HEATR4: variants seen among roughly 807,000 people sequenced by gnomAD.
The protein encoded by HEATR4 is HEAT repeat containing 4, also known as HEAT repeat-containing protein 4.
Under a neutral mutation model 108.8 loss-of-function variants are expected in HEATR4, and 95 were observed. That is an observed-to-expected ratio of 0.87 (90% CI 0.74 to 1.04). The LOEUF (loss-of-function observed/expected upper bound fraction) is 1.04, where lower values mean the gene tolerates loss of function less well. HEATR4 is among the 50% of genes least tolerant of loss of function. The pLI, the probability that HEATR4 is intolerant of heterozygous loss-of-function variation, is 0.00. For synonymous variants in HEATR4, 443 were observed against 459.4 expected, an observed-to-expected ratio of 0.96 and a Z score of 0.46; for missense variants, 1,152 against 1,253.8, an observed-to-expected ratio of 0.92 and a Z score of 1.23.
chr14:73,584,027 T>C, the HEATR4 span, among the ~76,000 whole-genome samples: 2 of 150,988 alleles, frequency 1.3e-5, no homozygotes, highest in Non-Finnish European at 3.0e-5. Context: ...AAAATGGCTA[T>C]GTATGACCTT....
At chr14:73,505,885 C>T (rs1416538248) in intron 10 of HEATR4, among the ~76,000 whole-genome samples, 1 of 134,852 alleles carries the variant, frequency 7.4e-6, no homozygotes, top group Non-Finnish European at 1.6e-5. Flanking sequence ...TTACTATAAA[C>T]GTTTCTTTTT....
intron 11 of HEATR4, among the ~76,000 whole-genome samples, chr14:73,502,290 C>G (rs991191035): frequency 2.6e-5 from 4 of 151,894 alleles, no homozygotes; most frequent in African/African-American, 9.7e-5. Flanking sequence ...ATGGTATATG[C>G]CATTTGTTCT....
chr14:73,571,042 G>A, the HEATR4 span: 1 of 150,064 alleles, frequency 6.7e-6, no homozygotes, highest in Non-Finnish European at 1.5e-5. Flanking sequence ...CAGCTAGGAG[G>A]TGCCAGGTGG....
At chr14:73,617,336 TG>T in the HEATR4 span, 1 of 1,160,172 alleles carries the variant, frequency 8.6e-7, no homozygotes, top group Non-Finnish European at 1.3e-6. Context: ...GGGTGGAAGC[TG>T]GGCATGGTGA....
At chr14:73,559,424 G>C (rs1259425563), upstream of HEATR4, among the ~76,000 whole-genome samples, 4 of 151,816 alleles carry the variant, frequency 2.6e-5, no homozygotes, top group African/African-American at 9.7e-5. Flanking sequence ...CTAGCCTCTT[G>C]GTCATTCTTT....
chr14:73,495,427 C>T (rs1228112478), intron 15 of HEATR4, 40 bp from the exon 16 acceptor site: 1 of 1,540,300 alleles, frequency 6.5e-7, no homozygotes, highest in Non-Finnish European at 8.9e-7. Flanking sequence ...CAAAACAAAA[C>T]ACCTGTACTA....
Position 73,508,301 on chromosome 14 carries a change from C to T in HEATR4, c.1721-7G>A, listed in dbSNP as rs1014725174. On this transcript the variant is annotated splice_region_variant and splice_polypyrimidine_tract_variant and intron_variant, in intron 8 of 17. Transcript: ENST00000553558. ...CAGCTATCCACACTGTTACCTGCCA[C>T]AGTTGGGTGAAAAAGAGTTCAGAAT... The T allele has an allele frequency of 1.9e-6, 3 of 1,612,880 alleles. No homozygotes were observed. The highest frequency in any genetic ancestry group is 2.7e-5 in the African/African-American group (2 of 74,892).
At chr14:73,479,030 C>T (rs187993794) in intron 17 of HEATR4, among the ~76,000 whole-genome samples, 188 bp from the exon 18 acceptor site, 22 of 152,194 alleles carry the variant, frequency 1.4e-4, no homozygotes, top group African/African-American at 5.3e-4. Flanking sequence ...TCTCCGACTC[C>T]CGGGTTCAAG....
the HEATR4 span, chr14:73,619,504 T>C: frequency 6.2e-7 from 1 of 1,614,230 alleles, no homozygotes; most frequent in Non-Finnish European, 8.5e-7. Flanking sequence ...TCTTGTTCCA[T>C]TGGAAAAGGC....
At chr14:73,612,132 C>A in the HEATR4 span, among the ~76,000 whole-genome samples, 52 of 152,002 alleles carry the variant, frequency 3.4e-4, 1 homozygote, top group East Asian at 8.5e-3. Context: ...ACCTCTGCCT[C>A]CTGGGTTCAA....
the HEATR4 span, among the ~76,000 whole-genome samples, chr14:73,565,601 T>C: frequency 6.6e-6 from 1 of 151,770 alleles, no homozygotes; most frequent in Non-Finnish European, 1.5e-5. Context: ...GTGTTCGGAG[T>C]TTCTTCCTTC....
At chr14:73,589,611 G>C in the HEATR4 span, among the ~76,000 whole-genome samples, 1 of 152,146 alleles carries the variant, frequency 6.6e-6, no homozygotes, top group Non-Finnish European at 1.5e-5. Flanking sequence ...GTGCCCCTGT[G>C]CCTAGCCTAC....
At chr14:73,551,588 A>C (rs1889323733) in intron 1 of HEATR4, among the ~76,000 whole-genome samples, 1 of 113,042 alleles carries the variant, frequency 8.8e-6, no homozygotes. Flanking sequence ...TGGATGGGTC[A>C]CCTGAGGTCA....
the HEATR4 span, among the ~76,000 whole-genome samples, chr14:73,594,243 C>G: frequency 6.6e-6 from 1 of 152,148 alleles, no homozygotes; most frequent in Admixed American, 6.6e-5. Flanking sequence ...CTTGTCCACC[C>G]CTTTCAGAAG....
chr14:73,614,818 C>T, the HEATR4 span, among the ~76,000 whole-genome samples: 1 of 151,670 alleles, frequency 6.6e-6, no homozygotes, highest in African/African-American at 2.4e-5. Context: ...AACAAGGAGC[C>T]GGGCGCAGTG....
In HEATR4 at chr14:73,500,615, C is replaced by T; in HGVS notation, c.2221G>A (p.Asp741Asn). The change falls in exon 12 of 18, where the codon GAC (aspartate) becomes AAC (asparagine). Residue 741 changes from aspartate (D) to asparagine (N), a missense_variant. Physicochemically the swap from Asp to Asn is conservative, Grantham distance 23. Transcript: ENST00000553558. ...GCTGCCCGCCGAACTGCTGTGAAGT[C>T]ATCAGAGAAGCAGTGCAGGAAGCTT... ...LPSFLHCFSD[D>N]FTAVRRAACL... The T allele has an allele frequency of 5.6e-6, 9 of 1,614,156 alleles. No homozygotes were observed. Among genetic ancestry groups the T allele is most frequent in the Non-Finnish European group, 6.8e-6 (8 of 1,180,034 alleles).
chr14:73,571,217 A>G, the HEATR4 span: 3 of 152,688 alleles, frequency 2.0e-5, no homozygotes, highest in African/African-American at 7.2e-5. Flanking sequence ...GTCCCTATGC[A>G]TGGCAGGACC....
the HEATR4 span, among the ~76,000 whole-genome samples, chr14:73,576,267 A>T: frequency 1.3e-5 from 2 of 152,042 alleles, no homozygotes; most frequent in African/African-American, 4.8e-5. Context: ...TAAGAATGGA[A>T]GTTAACATCT....
chr14:73,612,720 C>G, the HEATR4 span: 10 of 1,377,342 alleles, frequency 7.3e-6, no homozygotes, highest in African/African-American at 1.5e-5. Flanking sequence ...CGGGCCCACG[C>G]GCGCTACCGT....
Sources: gnomAD v4.1 joint callset for allele counts (sites outside exome capture counted in the v4.1 genomes callset) on GRCh38, gnomAD v4.1.1 for gene constraint, MANE v1.5 for transcripts, NCBI Gene and HGNC (gene_info 2026-07-23, HGNC 2026-07-21) for gene names.